Variants in NALF2 observed in about 807,000 individuals in gnomAD.
NALF2 encodes NALCN channel auxiliary factor 2, also known as bB57D9.1 (TED protein).
In NALF2, 1 loss-of-function variant was observed where a neutral mutation model predicts 24.8. The ratio of observed to expected loss-of-function variants is 0.04; its 90% CI spans 0.01 to 0.19. The LOEUF (loss-of-function observed/expected upper bound fraction) is 0.19, where lower values mean the gene tolerates loss of function less well. Among genes scored for constraint, NALF2 ranks in the 10% least tolerant of loss-of-function variants. The probability of loss-of-function intolerance (pLI) is 1.00; values close to 1 mark genes in which losing one functional copy is unlikely to be tolerated. For missense variants in NALF2, 458 were observed against 409.6 expected (o/e 1.12, Z -1.02); for synonymous variants, 254 against 189.8 (o/e 1.34, Z -2.78).
chrX:69,525,615 T>G (rs1329850083), intron 1 of NALF2, among the ~76,000 whole-genome samples: 1 of 109,287 alleles, frequency 9.2e-6, no homozygotes, highest in Admixed American at 9.8e-5. Flanking sequence ...TACCCATCTT[T>G]CTTACTCCCT....
intron 1 of NALF2, among the ~76,000 whole-genome samples, chrX:69,521,228 C>G (rs746651318): frequency 2.7e-5 from 3 of 111,705 alleles, no homozygotes; most frequent in Non-Finnish European, 5.6e-5. Context: ...CACTTCCAGG[C>G]CTTTATGCCT....
chrX:69,524,201 G>A (rs903892426), intron 1 of NALF2, among the ~76,000 whole-genome samples: 7 of 107,395 alleles, frequency 6.5e-5, no homozygotes, highest in Non-Finnish European at 1.3e-4. Context: ...GGGCAAAGGT[G>A]ACCCTCCCAC....
chrX:69,515,396 G>A (rs1569258753), intron 1 of NALF2, among the ~76,000 whole-genome samples: 1 of 112,489 alleles, frequency 8.9e-6, no homozygotes, highest in East Asian at 2.8e-4. Flanking sequence ...AGAGCTAGAT[G>A]TACAGAATCA....
intron 1 of NALF2, among the ~76,000 whole-genome samples, chrX:69,514,209 A>C (rs5981245): frequency 0.2 from 21,717 of 108,206 alleles, 1,993 homozygotes; most frequent in Non-Finnish European, 0.28. Flanking sequence ...AAAAAAAAAA[A>C]AACTCCCCAT....
chrX:69,530,087 T>G lies in NALF2; in HGVS notation c.*131T>G. 2.1e-6 allele frequency: 1 copy of G among 484,638 alleles called. No individual in the cohort carries two copies. The highest frequency in any genetic ancestry group is 3.3e-6 in the Non-Finnish European group (1 of 305,462). 39.9% of individuals were successfully genotyped at this position (484,638 alleles called of 1,213,427 possible). A position where few individuals can be genotyped will look rare whatever the true frequency, so the allele number is the denominator to read the frequency against. ...GCGGGGGAAATGGGGGAATGACACA[T>G]CCCCCCCAACCTACCCCCACCCCAA... On this transcript the variant is annotated 3_prime_UTR_variant, in exon 3 of 3. Transcript: ENST00000252338.
chrX:69,527,099 G>A (rs1234389612), intron 1 of NALF2, among the ~76,000 whole-genome samples: 1 of 111,594 alleles, frequency 9.0e-6, no homozygotes, highest in Non-Finnish European at 1.9e-5. Flanking sequence ...GCATAGATGT[G>A]GAGCTACAAT....
At chrX:69,508,528 G>A (rs1360211517) in intron 1 of NALF2, among the ~76,000 whole-genome samples, 1 of 111,534 alleles carries the variant, frequency 9.0e-6, no homozygotes, top group Non-Finnish European at 1.9e-5. Context: ...CTGCTGTGCC[G>A]GCAGAAGGGC....
Position 69,529,463 on chromosome X carries a change from T to A in NALF2, c.1034-108T>A, listed in dbSNP as rs1930860966. On this transcript the variant is annotated intron_variant, in intron 2 of 2. Transcript: ENST00000252338. ...TGTCGAGGGCTGTGGGGAGGGAGCC[T>A]TAGATGAGGCTACTTGAGCAGCCCC... The A allele has an allele frequency of 2.7e-6, 3 of 1,096,277 alleles. No individual in the cohort carries two copies. In the East Asian group the frequency reaches 9.8e-5, roughly 36 times the overall value. The allele number at this position is 1,096,277 out of a possible 1,213,427, so 90.3% of individuals were successfully genotyped here.
intron 1 of NALF2, among the ~76,000 whole-genome samples, chrX:69,527,850 A>G (rs1017114275): frequency 8.9e-6 from 1 of 111,764 alleles, no homozygotes; most frequent in Admixed American, 9.4e-5. Context: ...CTCCTAGGTG[A>G]TGGTGATGCT....
At position 69,529,053 on chromosome X, in the gene NALF2, C is replaced by T. The variant is rs1930850932; in HGVS notation, c.922C>T (p.Arg308Cys). Reference sequence around the variant, plus strand: ...CAGCGTGACCCAGCAGGAATGCCAGCGCTGGGTGCCCTGCAAGCAATACTG... The same window carrying T: ...CAGCGTGACCCAGCAGGAATGCCAGTGCTGGGTGCCCTGCAAGCAATACTG... ...YFSVTQQECQ[R>C]WVPCKQYCLE... Residue 308 changes from arginine (R) to cysteine (C), a missense_variant, in exon 2 of 3, where the codon CGC becomes TGC. Physicochemically the swap from Arg to Cys is radical, Grantham distance 180 (BLOSUM62 -3). Transcript: ENST00000252338. The T allele has an allele frequency of 3.3e-6, 4 of 1,210,498 alleles. No homozygotes were observed. Among genetic ancestry groups the T allele is most frequent in the Middle Eastern group, 2.3e-4 (1 of 4,342 alleles).
intron 1 of NALF2, among the ~76,000 whole-genome samples, chrX:69,519,441 A>G (rs1416560175): frequency 8.9e-6 from 1 of 111,833 alleles, no homozygotes; most frequent in Non-Finnish European, 1.9e-5. Flanking sequence ...ATTTATAGAA[A>G]TGTCTTACCA....
rs1569256649 is a variant in NALF2 at position 69,505,257 on chromosome X, C to CGAACA, written c.-26_-25insGAACA. On this transcript the variant is annotated 5_prime_UTR_variant, in exon 1 of 3. Transcript: ENST00000252338. ...CCGTCTGGCCTCGCGCCTGCCTGTT[C>CGAACA]CCTCCAGCCCGGACCCCCCTGAAAT... The CGAACA allele has an allele frequency of 4.4e-6, 5 of 1,125,621 alleles. No individual in the cohort carries two copies. Among genetic ancestry groups the CGAACA allele is most frequent in the Non-Finnish European group, 5.8e-6 (5 of 855,042 alleles). The allele number at this position is 1,125,621 out of a possible 1,213,427, so 92.8% of individuals were successfully genotyped here.
At chrX:69,522,320 C>T (rs1397669152) in intron 1 of NALF2, among the ~76,000 whole-genome samples, 2 of 111,863 alleles carry the variant, frequency 1.8e-5, no homozygotes, top group Non-Finnish European at 3.8e-5. Context: ...TATCTAGGCC[C>T]CTTCAGAGCT....
chrX:69,505,699 GC>G lies in NALF2; in HGVS notation c.420del (p.Thr141ArgfsTer84). The G allele has an allele frequency of 8.3e-7, 1 of 1,209,956 alleles. No homozygotes were observed. Among genetic ancestry groups the G allele is most frequent in the Non-Finnish European group, 1.1e-6 (1 of 894,738 alleles). On this transcript the variant is annotated frameshift_variant, in exon 1 of 3. Coordinates refer to ENST00000252338, the MANE Select transcript of NALF2 (RefSeq NM_015686.3). LOFTEE classifies it high-confidence loss of function. Reference sequence around the variant, plus strand: ...GGCCGGTCTGCGGCGGCGTCCCAGAGCCCACGGGGCTGGACGCAGCTTGCAC... The same window carrying G: ...GGCCGGTCTGCGGCGGCGTCCCAGAGCCACGGGGCTGGACGCAGCTTGCAC... ...SRPVCGGVPE[P>X]TGLDAACTKL...
intron 1 of NALF2, among the ~76,000 whole-genome samples, chrX:69,524,272 T>C (rs1930774659): frequency 9.1e-6 from 1 of 109,517 alleles, no homozygotes; most frequent in East Asian, 2.9e-4. Context: ...TATGTTTTTA[T>C]GTAGAGACAG....
chrX:69,510,581 G>A (rs894457674), intron 1 of NALF2, among the ~76,000 whole-genome samples: 14 of 112,210 alleles, frequency 1.2e-4, no homozygotes, highest in Non-Finnish European at 2.4e-4. Context: ...CAGCCTCCCT[G>A]ACCCAGGGCT....
intron 1 of NALF2, among the ~76,000 whole-genome samples, chrX:69,512,150 C>G (rs1471361642): frequency 1.8e-5 from 2 of 111,729 alleles, no homozygotes; most frequent in East Asian, 5.6e-4. Context: ...CTGGACAAAT[C>G]TGGACCCCTA....
chrX:69,524,644 C>CGCT lies in NALF2; in HGVS notation c.862-4348_862-4347insCTG, dbSNP rs1930780803. Reference sequence around the variant, plus strand: ...CTGTGAATGCCCAAACAACCTCCCCCGTCAACCCCTGGCTCAGTCCTAACA... The same window carrying CGCT: ...CTGTGAATGCCCAAACAACCTCCCCCGCTGTCAACCCCTGGCTCAGTCCTAACA... On this transcript the variant is annotated intron_variant, in intron 1 of 2. Coordinates refer to ENST00000252338, the MANE Select transcript of NALF2 (RefSeq NM_015686.3). Among the ~76,000 whole-genome samples the CGCT allele has an allele frequency of 2.7e-5, 3 of 109,711 alleles. No homozygotes were observed. The South Asian group carries it at 1.2e-3, about 44-fold the overall frequency.
intron 1 of NALF2, among the ~76,000 whole-genome samples, chrX:69,507,614 T>C (rs1930511015): frequency 9.0e-6 from 1 of 111,279 alleles, no homozygotes; most frequent in African/African-American, 3.3e-5. Context: ...AGATGCCGTG[T>C]CACACACACG....
Sources: gnomAD v4.1 joint callset for allele counts (sites outside exome capture counted in the v4.1 genomes callset) on GRCh38, gnomAD v4.1.1 for gene constraint, MANE v1.5 for transcripts, NCBI Gene and HGNC (gene_info 2026-07-23, HGNC 2026-07-21) for gene names.